ESCO1: variants seen among roughly 807,000 people sequenced by gnomAD.
The protein encoded by ESCO1 is N-acetyltransferase ESCO1.
ESCO1 carries 33 observed loss-of-function variants against 83.5 expected under a neutral mutation model. The observed-to-expected ratio is 0.40, with a 90% CI of 0.30 to 0.53. ESCO1 has a LOEUF of 0.53. Ranked by LOEUF, ESCO1 falls within the 20% of genes least tolerant of loss-of-function variation. The pLI is 0.63. For missense variants in ESCO1, 855 were observed against 968.0 expected (o/e 0.88, Z 1.55); for synonymous variants, 332 against 324.3 (o/e 1.02, Z -0.25).
At chr18:21,538,528 T>G (rs2146171824) in intron 9 of ESCO1, among the ~76,000 whole-genome samples, 1 of 152,304 alleles carries the variant, frequency 6.6e-6, no homozygotes, top group Admixed American at 6.5e-5. Flanking sequence ...TGAAAGCTTA[T>G]TTGGGTATCT....
rs780931079 is a variant in ESCO1 at position 21,582,377 on chromosome 18, A to G, written c.-694+1933T>C. ...CCCGAGTAGCTAGGATTACAGGTGC[A>G]CACCACCATGCACAGGTAATTTTTT... On this transcript the variant is annotated intron_variant, in intron 2 of 11. Transcript: ENST00000269214. Among the ~76,000 whole-genome samples the G allele has an allele frequency of 3.6e-4, 55 of 152,110 alleles. No homozygotes were observed. The Middle Eastern group carries it at 0.01, about 28-fold the overall frequency.
rs375380404 is a variant in ESCO1, at chr18:21,539,872, T to C, written c.2043+48A>G. The stretch of plus-strand genomic sequence containing the variant: ...CAGGGTAAAAAAAAAAAAAATTAAC[T>C]GCAAAATGATATTATCCACTCTACA... On this transcript the variant is annotated intron_variant, in intron 9 of 11. Transcript: ENST00000269214. 4.6e-6 allele frequency: 7 copies of C among 1,507,628 alleles called. No individual in the cohort carries two copies. The African/African-American group carries it at 9.8e-5, about 21-fold the overall frequency. 93.4% of individuals were successfully genotyped at this position (1,507,628 alleles called of 1,614,324 possible).
At chr18:21,534,658 T>C (rs2037810330) in intron 10 of ESCO1, among the ~76,000 whole-genome samples, 2 of 150,286 alleles carry the variant, frequency 1.3e-5, no homozygotes, top group African/African-American at 4.9e-5. Context: ...AGATGGAGTC[T>C]TGCTCTGTTG....
chr18:21,555,443 A>ACACTG (rs1354578105), intron 8 of ESCO1, among the ~76,000 whole-genome samples: 2 of 152,214 alleles, frequency 1.3e-5, no homozygotes, highest in Non-Finnish European at 2.9e-5. Context: ...TTCACCAGTT[A>ACACTG]TAACAAATGT....
At chr18:21,594,690 C>A (rs933816161) in intron 1 of ESCO1, among the ~76,000 whole-genome samples, 1 of 123,830 alleles carries the variant, frequency 8.1e-6, no homozygotes, top group Admixed American at 9.3e-5. Context: ...TGCAACTGAG[C>A]GAGACTCCAT....
chr18:21,550,020 A>C (rs2038025960), intron 8 of ESCO1, among the ~76,000 whole-genome samples: 1 of 152,116 alleles, frequency 6.6e-6, no homozygotes, highest in African/African-American at 2.4e-5. Context: ...GTAAGAAAAC[A>C]CCCAATAAAT....
At chr18:21,578,807 C>T (rs1315628237) in intron 2 of ESCO1, among the ~76,000 whole-genome samples, 4 of 152,214 alleles carry the variant, frequency 2.6e-5, no homozygotes, top group South Asian at 2.1e-4. Context: ...AAGCGATTCT[C>T]GTGCCTTAGC....
chr18:21,532,447 G>A (rs1284958310), intron 11 of ESCO1, 26 bp downstream of exon 11: 1 of 1,589,880 alleles, frequency 6.3e-7, no homozygotes, highest in Non-Finnish European at 8.6e-7. Flanking sequence ...TACTAAAAAT[G>A]ATTTGAAGGA....
chr18:21,564,307 G>A lies in ESCO1; in HGVS notation c.1717C>T (p.Arg573Ter). ...SKSSDNRETP[R>*]NHSLPKCNSH... is the part of the protein sequence containing the mutation. The stretch of plus-strand genomic sequence containing the variant: ...TTACACTTAGGCAAAGAATGATTTC[G>A]TGGTGTCTCCCTTAAAAAAAATAAA... The change falls in exon 7 of 12, where the codon CGA (arginine) becomes TGA (stop). Residue 573 changes from arginine (R) to a stop codon, truncating the protein, a stop_gained. Transcript: ENST00000269214. LOFTEE classifies it high-confidence loss of function. 1 of 1,603,948 alleles carries A rather than the reference G, an allele frequency of 6.2e-7. No individual in the cohort carries two copies. The highest frequency in any genetic ancestry group is 8.5e-7 in the Non-Finnish European group (1 of 1,174,366).
At chr18:21,538,081 T>A (rs189446662) in intron 9 of ESCO1, among the ~76,000 whole-genome samples, 1 of 152,110 alleles carries the variant, frequency 6.6e-6, no homozygotes, top group Admixed American at 6.5e-5. Flanking sequence ...AAGTATGGGA[T>A]TAATCAATTA....
chr18:21,535,114 C>T (rs986539019), intron 10 of ESCO1, among the ~76,000 whole-genome samples: 18 of 152,230 alleles, frequency 1.2e-4, no homozygotes, highest in Middle Eastern at 3.4e-3. Flanking sequence ...CACTCTAGTT[C>T]GCCTAGCCTT....
chr18:21,556,516 C>A (rs2038114141), intron 8 of ESCO1, among the ~76,000 whole-genome samples: 1 of 152,160 alleles, frequency 6.6e-6, no homozygotes, highest in South Asian at 2.1e-4. Context: ...GCAGCACTAT[C>A]CAAGAGAACG....
At chr18:21,559,708 G>A (rs574540518) in intron 8 of ESCO1, among the ~76,000 whole-genome samples, 1 of 152,052 alleles carries the variant, frequency 6.6e-6, no homozygotes, top group African/African-American at 2.4e-5. Context: ...CACAATGCAA[G>A]GATATTAACA....
At chr18:21,572,293 C>A (rs2038351527) in intron 4 of ESCO1, among the ~76,000 whole-genome samples, 1 of 152,070 alleles carries the variant, frequency 6.6e-6, no homozygotes, top group Non-Finnish European at 1.5e-5. Context: ...TGTTAGAGTT[C>A]CAGGGTTCTA....
chr18:21,567,770 C>T (rs1202944194), intron 5 of ESCO1, among the ~76,000 whole-genome samples: 5 of 152,090 alleles, frequency 3.3e-5, no homozygotes, highest in Non-Finnish European at 7.4e-5. Flanking sequence ...GGTAGGGAGT[C>T]AAAGGGTAGT....
At chr18:21,562,193 A>C (rs1456133088) in intron 7 of ESCO1, among the ~76,000 whole-genome samples, 2 of 152,080 alleles carry the variant, frequency 1.3e-5, no homozygotes, top group Non-Finnish European at 2.9e-5. Context: ...TCCATTTTTT[A>C]ATGTCTTAAA....
chr18:21,539,454 A>C (rs1300234105), intron 9 of ESCO1, among the ~76,000 whole-genome samples: 1 of 152,220 alleles, frequency 6.6e-6, no homozygotes, highest in South Asian at 2.1e-4. Flanking sequence ...TACAAAGTTT[A>C]ACATAATTTT....
intron 1 of ESCO1, among the ~76,000 whole-genome samples, chr18:21,587,561 A>C (rs2038599567): frequency 6.6e-6 from 1 of 152,218 alleles, no homozygotes; most frequent in Admixed American, 6.5e-5. Flanking sequence ...TTTTAGTAAT[A>C]TCTCTCATTC....
chr18:21,560,487 A>G (rs1212585279), intron 8 of ESCO1, among the ~76,000 whole-genome samples: 1 of 152,054 alleles, frequency 6.6e-6, no homozygotes, highest in Non-Finnish European at 1.5e-5. Context: ...TCAATCTCCA[A>G]TATAAAACTG....
Sources: allele counts gnomAD v4.1 joint callset (sites outside exome capture counted in the v4.1 genomes callset), GRCh38; gene constraint gnomAD v4.1.1; transcripts MANE v1.5; gene names NCBI Gene and HGNC (gene_info 2026-07-23, HGNC 2026-07-21).